The following MIA2 variants were observed in gnomAD, a reference collection of about 807,000 sequenced individuals.
The protein encoded by MIA2 is MIA SH3 domain ER export factor 2.
In MIA2, 127 loss-of-function variants were observed where a neutral mutation model predicts 167.8. The observed-to-expected ratio is 0.76, with a 90% CI of 0.66 to 0.88. The LOEUF (loss-of-function observed/expected upper bound fraction) is 0.88, where lower values mean the gene tolerates loss of function less well. MIA2 is among the 40% of genes least tolerant of loss of function. MIA2 has a pLI of 0.00. For missense variants in MIA2, 1,690 were observed against 1,624.7 expected (o/e 1.04, Z -0.69); for synonymous variants, 552 against 541.9 (o/e 1.02, Z -0.26).
intron 23 of MIA2, among the ~76,000 whole-genome samples, chr14:39,381,898 C>T (rs903040034): frequency 1.3e-5 from 2 of 152,160 alleles, no homozygotes; most frequent in African/African-American, 4.8e-5. Context: ...ATTTATATGA[C>T]TACTGAGCTC....
At chr14:39,386,045 C>A in intron 23 of MIA2, 1 of 1,149,134 alleles carries the variant, frequency 8.7e-7, no homozygotes, top group Non-Finnish European at 1.3e-6. Context: ...CCCGGACAAC[C>A]TCTTCTTGCA....
intron 4 of MIA2, among the ~76,000 whole-genome samples, 176 bp from the exon 5 acceptor site, chr14:39,252,572 T>A (rs2054627207): frequency 6.6e-6 from 1 of 152,298 alleles, no homozygotes; most frequent in Non-Finnish European, 1.5e-5. Context: ...TAATTTATCT[T>A]ACTAGCAATA....
chr14:39,327,409 C>T (rs986156511), intron 25 of MIA2, among the ~76,000 whole-genome samples: 1 of 152,146 alleles, frequency 6.6e-6, no homozygotes, highest in Non-Finnish European at 1.5e-5. Flanking sequence ...CATTTATACA[C>T]ATAGCTGTTC....
downstream of MIA2, among the ~76,000 whole-genome samples, chr14:39,353,246 A>T (rs1362641288): frequency 6.6e-6 from 1 of 152,170 alleles, no homozygotes; most frequent in African/African-American, 2.4e-5. Flanking sequence ...AAATATTGTT[A>T]CTAAGTATCA....
chr14:39,300,219 A>C (rs185247647), intron 14 of MIA2, among the ~76,000 whole-genome samples: 60 of 152,224 alleles, frequency 3.9e-4, no homozygotes, highest in Non-Finnish European at 6.2e-4. Context: ...TCTGTATTTT[A>C]GCCTAGGTAT....
chr14:39,278,900 C>G lies in MIA2; in HGVS notation c.2020-437C>G, dbSNP rs543852374. ...TTTAGGCTGGGCATGGTGGTTCATG[C>G]CTGTAATCCCAGCACTTTGGGGGAC... is the stretch of plus-strand genomic sequence containing the variant. On this transcript the variant is annotated intron_variant, in intron 7 of 28. Transcript: ENST00000640607. 1.7e-4 allele frequency among the ~76,000 whole-genome samples: 26 copies of G among 152,156 alleles called. 1 individual carries two copies. The highest frequency in any genetic ancestry group is 2.8e-4 in the Non-Finnish European group (19 of 68,024).
chr14:39,271,077 A>G (rs1486620454), intron 6 of MIA2, among the ~76,000 whole-genome samples: 1 of 152,214 alleles, frequency 6.6e-6, no homozygotes, highest in Non-Finnish European at 1.5e-5. Context: ...GCTTCCTTCT[A>G]AGAGTTTTAG....
At chr14:39,351,904 G>A (rs181094030), downstream of MIA2, among the ~76,000 whole-genome samples, 33 of 152,260 alleles carry the variant, frequency 2.2e-4, no homozygotes, top group East Asian at 6.2e-3. Context: ...ACCGCGCCTG[G>A]CCAGTTTATA....
chr14:39,340,294 A>C (rs566762740), intron 25 of MIA2, among the ~76,000 whole-genome samples: 4 of 152,378 alleles, frequency 2.6e-5, no homozygotes, highest in African/African-American at 9.6e-5. Context: ...CTAAGCAACC[A>C]TACCTTGGTG....
downstream of MIA2, among the ~76,000 whole-genome samples, chr14:39,353,975 T>G (rs1021968552): frequency 2.0e-5 from 3 of 152,216 alleles, no homozygotes; most frequent in Non-Finnish European, 4.4e-5. Flanking sequence ...TGTCGGACAT[T>G]TGGGTTGGTT....
intron 18 of MIA2, among the ~76,000 whole-genome samples, chr14:39,308,837 C>A (rs10483539): frequency 0.86 from 131,483 of 152,182 alleles, 57,388 homozygotes; most frequent in East Asian, 0.96. Context: ...TAGTCAGCAA[C>A]TTATTGCCTT....
In MIA2 at chr14:39,267,579, G is replaced by A. The variant is rs560005506; in HGVS notation, c.1888-9355G>A. 2.8e-5 allele frequency: 45 copies of A among 1,597,184 alleles called. No individual in the cohort carries two copies. In the African/African-American group the frequency reaches 5.1e-4, roughly 18 times the overall value. On this transcript the variant is annotated intron_variant, in intron 6 of 28. Transcript: ENST00000640607. ...CCAGGGGTCGCGGGAGCCGCCGGGG[G>A]AAGGAAGCAGTAGACCGGCTTTGGG...
downstream of MIA2, among the ~76,000 whole-genome samples, chr14:39,352,722 G>C (rs918370679): frequency 6.6e-6 from 1 of 152,076 alleles, no homozygotes; most frequent in African/African-American, 2.4e-5. Flanking sequence ...TTGTTATACT[G>C]TATTTTTAAA....
At chr14:39,320,174 G>A (rs1202340967) in intron 23 of MIA2, among the ~76,000 whole-genome samples, 2 of 139,280 alleles carry the variant, frequency 1.4e-5, no homozygotes, top group African/African-American at 5.4e-5. Flanking sequence ...TCTTGTAGCT[G>A]GTTTGAATAT....
At chr14:39,289,100 C>G (rs1288635838) in intron 9 of MIA2, among the ~76,000 whole-genome samples, 1 of 151,946 alleles carries the variant, frequency 6.6e-6, no homozygotes, top group African/African-American at 2.4e-5. Context: ...GCCATCTCTT[C>G]CTGGGCTTTT....
At chr14:39,386,144 C>T in intron 23 of MIA2, 3 of 1,332,924 alleles carry the variant, frequency 2.3e-6, no homozygotes, top group Non-Finnish European at 3.2e-6. Flanking sequence ...GAACTAGAGT[C>T]TGAAATAGGA....
At chr14:39,272,988 T>C (rs796243408) in intron 6 of MIA2, among the ~76,000 whole-genome samples, 1 of 152,368 alleles carries the variant, frequency 6.6e-6, no homozygotes, top group African/African-American at 2.4e-5. Flanking sequence ...GATTTTTCTA[T>C]GTTGATTTTG....
intron 28 of MIA2, among the ~76,000 whole-genome samples, chr14:39,349,309 A>G (rs534046058): frequency 3.0e-4 from 45 of 152,224 alleles, no homozygotes; most frequent in South Asian, 6.2e-4. Flanking sequence ...CAGTTAGTGA[A>G]AATAATAACT....
intron 6 of MIA2, chr14:39,276,280 G>GA (rs1277493171): frequency 6.6e-6 from 1 of 152,292 alleles, no homozygotes; most frequent in Non-Finnish European, 1.5e-5. Flanking sequence ...AAGTAATGTG[G>GA]AAAGGCCATG....
Sources: gnomAD v4.1 joint callset for allele counts (sites outside exome capture counted in the v4.1 genomes callset) on GRCh38, gnomAD v4.1.1 for gene constraint, MANE v1.5 for transcripts, NCBI Gene and HGNC (gene_info 2026-07-23, HGNC 2026-07-21) for gene names.